ADARB1: variants seen among roughly 807,000 people sequenced by gnomAD.
The protein encoded by ADARB1 is adenosine deaminase RNA specific B1.
In ADARB1, 10 loss-of-function variants were observed where a neutral mutation model predicts 52.4. The observed-to-expected ratio is 0.19, with a 90% CI of 0.12 to 0.32. The LOEUF (loss-of-function observed/expected upper bound fraction) is 0.32, where lower values mean the gene tolerates loss of function less well. Among genes scored for constraint, ADARB1 ranks in the 10% least tolerant of loss-of-function variants. ADARB1 has a pLI of 1.00. For synonymous variants in ADARB1, 349 were observed against 371.1 expected (o/e 0.94, Z 0.68); for missense variants, 643 against 922.3 (o/e 0.70, Z 3.92).
rs1321650864 is a variant in ADARB1, at chr21:45,226,355, C to T, written c.*4158C>T. The T allele has an allele frequency of 6.6e-6, 1 of 152,626 alleles. No homozygotes were observed. Among genetic ancestry groups the T allele is most frequent in the Non-Finnish European group, 1.5e-5 (1 of 68,036 alleles). The allele number at this position is 152,626 out of a possible 1,614,324, so 9.5% of individuals were successfully genotyped here. ...TTTTAATTTGATTTTAGAATCTGGA[C>T]ACTTTCTATGAATGTAATTCGGCTG... On this transcript the variant is annotated 3_prime_UTR_variant, in exon 11 of 11. Transcript: ENST00000348831.
chr21:45,153,238 C>G lies in ADARB1; in HGVS notation c.-47-18372C>G, dbSNP rs201619850. 1.6e-4 allele frequency among the ~76,000 whole-genome samples: 25 copies of G among 152,096 alleles called. No individual in the cohort carries two copies. The South Asian group carries it at 1.9e-3, about 11-fold the overall frequency. On this transcript the variant is annotated intron_variant, in intron 2 of 10. Transcript: ENST00000348831. ...ACTTAATGTTTTAAGTCATTAAAAT[C>G]TAGATTTTTTTTCTCAAAACCAGAT...
chr21:45,122,259 T>C (rs2088241402), intron 1 of ADARB1, among the ~76,000 whole-genome samples: 1 of 152,230 alleles, frequency 6.6e-6, no homozygotes, highest in Non-Finnish European at 1.5e-5. Context: ...ATGATAAATA[T>C]CACTTTAAAA....
chr21:45,212,041 A>G (rs779174821), intron 9 of ADARB1, among the ~76,000 whole-genome samples: 2 of 137,090 alleles, frequency 1.5e-5, no homozygotes, highest in African/African-American at 2.6e-5. Context: ...AATATTTTGT[A>G]CTATTGGGAT....
intron 8 of ADARB1, among the ~76,000 whole-genome samples, chr21:45,187,188 T>TA (rs2092137206): frequency 6.6e-6 from 1 of 152,246 alleles, no homozygotes; most frequent in Admixed American, 6.5e-5. Flanking sequence ...GTATCTTCAT[T>TA]TCTTTCAGCA....
intron 9 of ADARB1, among the ~76,000 whole-genome samples, chr21:45,216,378 T>A (rs2092863702): frequency 6.6e-6 from 1 of 152,162 alleles, no homozygotes; most frequent in Admixed American, 6.5e-5. Flanking sequence ...CTTTTTGTAG[T>A]TTTTTAAGGT....
chr21:45,164,998 C>T (rs1373343318), intron 2 of ADARB1, among the ~76,000 whole-genome samples: 2 of 152,152 alleles, frequency 1.3e-5, no homozygotes, highest in Non-Finnish European at 2.9e-5. Context: ...CCGGGATGGC[C>T]AGGTGAACAA....
At chr21:45,169,848 T>G (rs1031306420) in intron 2 of ADARB1, among the ~76,000 whole-genome samples, 1 of 152,216 alleles carries the variant, frequency 6.6e-6, no homozygotes, top group Non-Finnish European at 1.5e-5. Context: ...CGTGATATGC[T>G]CAGCCAGACC....
chr21:45,193,489 TTGTC>T (rs2092351741), intron 8 of ADARB1, among the ~76,000 whole-genome samples: 1 of 110,712 alleles, frequency 9.0e-6, no homozygotes, highest in South Asian at 3.2e-4. Flanking sequence ...CAAAACAAGA[TTGTC>T]TGCTCTCCCC....
At chr21:45,095,988 G>T (rs780365650) in intron 1 of ADARB1, among the ~76,000 whole-genome samples, 3 of 152,194 alleles carry the variant, frequency 2.0e-5, no homozygotes, top group Admixed American at 6.5e-5. Context: ...TGAGAGAGCC[G>T]CACACACTGT....
intron 2 of ADARB1, among the ~76,000 whole-genome samples, chr21:45,138,027 A>C (rs1338945352): frequency 6.6e-6 from 1 of 152,216 alleles, no homozygotes; most frequent in East Asian, 1.9e-4. Context: ...ATGAGAAGCG[A>C]TAGAGTATAG....
rs536797136 is a variant in ADARB1, at chr21:45,208,870, C to T, written c.1747+4134C>T. On this transcript the variant is annotated intron_variant, in intron 9 of 10. Coordinates refer to ENST00000348831, the MANE Select transcript of ADARB1 (RefSeq NM_001112.4). The surrounding 1 kb of genome is among the most constrained non-coding windows in gnomAD (Gnocchi z 5.6). ...TGCCATGAGTCATTGTAGAAGAGAA[C>T]GACCACCAAGCTTGGCTCCAAGTAC... Among the ~76,000 whole-genome samples, 3 of 152,198 alleles carry T rather than the reference C, an allele frequency of 2.0e-5. No individual in the cohort carries two copies. Among genetic ancestry groups the T allele is most frequent in the South Asian group, 2.1e-4 (1 of 4,818 alleles).
intron 1 of ADARB1, among the ~76,000 whole-genome samples, chr21:45,088,557 G>A (rs2086435931): frequency 6.6e-6 from 1 of 152,228 alleles, no homozygotes; most frequent in African/African-American, 2.4e-5. Flanking sequence ...ATTAATTGGT[G>A]TAGGAGCAGT....
At chr21:45,181,192 C>G (rs1447197697) in intron 5 of ADARB1, among the ~76,000 whole-genome samples, 1 of 152,218 alleles carries the variant, frequency 6.6e-6, no homozygotes, top group African/African-American at 2.4e-5. Context: ...GACAGTTTCT[C>G]TGTCTACATC....
chr21:45,155,329 C>T (rs987934600), intron 2 of ADARB1, among the ~76,000 whole-genome samples: 2 of 152,138 alleles, frequency 1.3e-5, no homozygotes, highest in African/African-American at 4.8e-5. Flanking sequence ...ACAGAGTGAG[C>T]AGAGCCAGTT....
At chr21:45,084,730 C>T (rs989867898) in intron 1 of ADARB1, among the ~76,000 whole-genome samples, 4 of 152,138 alleles carry the variant, frequency 2.6e-5, no homozygotes, top group African/African-American at 9.7e-5. Flanking sequence ...ATCAGTCAGG[C>T]TGGAGAGTAA....
intron 9 of ADARB1, among the ~76,000 whole-genome samples, chr21:45,211,204 C>T (rs1297727184): frequency 6.6e-6 from 1 of 152,216 alleles, no homozygotes; most frequent in Admixed American, 6.5e-5. Flanking sequence ...GTTTATTTCT[C>T]TGTCAGCTCA....
At chr21:45,170,861 A>C (rs556708105) in intron 2 of ADARB1, among the ~76,000 whole-genome samples, 1 of 152,270 alleles carries the variant, frequency 6.6e-6, no homozygotes, top group African/African-American at 2.4e-5. Context: ...TTTGTTAGTA[A>C]CTAGAAATTG....
At chr21:45,111,758 A>G (rs923291218) in intron 1 of ADARB1, among the ~76,000 whole-genome samples, 6 of 152,190 alleles carry the variant, frequency 3.9e-5, no homozygotes, top group Non-Finnish European at 8.8e-5. Context: ...CATATCATAT[A>G]TTCATTCTGC....
In ADARB1 at chr21:45,153,365, A is replaced by G. The variant is rs2090399280; in HGVS notation, c.-47-18245A>G. Among the ~76,000 whole-genome samples the G allele has an allele frequency of 2.0e-5, 3 of 150,642 alleles. 1 individual carries two copies. On this transcript the variant is annotated intron_variant, in intron 2 of 10. Coordinates refer to ENST00000348831, the MANE Select transcript of ADARB1 (RefSeq NM_001112.4). The stretch of plus-strand genomic sequence containing the variant: ...TGTTTTTTTTTTCTCTTTGTATAAT[A>G]TGAAATAATTAATAGAAAATGCCTT...
Sources: allele counts gnomAD v4.1 joint callset (sites outside exome capture counted in the v4.1 genomes callset), GRCh38; gene constraint gnomAD v4.1.1; non-coding constraint Gnocchi (gnomAD v3.1); transcripts MANE v1.5; gene names NCBI Gene and HGNC (gene_info 2026-07-23, HGNC 2026-07-21).